Variants in TEP1 observed in about 807,000 individuals in gnomAD.
TEP1 encodes telomerase protein component 1.
TEP1 carries 241 observed loss-of-function variants against 306.3 expected under a neutral mutation model. The observed-to-expected ratio is 0.79, with a 90% CI of 0.71 to 0.88. TEP1 has a LOEUF of 0.88. Among genes scored for constraint, TEP1 ranks in the 40% least tolerant of loss-of-function variants. TEP1 has a pLI of 0.00. For synonymous variants in TEP1, 1,289 were observed against 1,305.5 expected, an observed-to-expected ratio of 0.99 and a Z score of 0.27; for missense variants, 3,051 against 3,276.1, an observed-to-expected ratio of 0.93 and a Z score of 1.68.
chr14:20,390,399 CTA>C, intron 15 of TEP1, among the ~76,000 whole-genome samples: 1 of 152,324 alleles, frequency 6.6e-6, no homozygotes, highest in East Asian at 1.9e-4. Flanking sequence ...TTTCCCAACT[CTA>C]TGTTCAGTAG....
chr14:20,387,871 C>A, intron 18 of TEP1, 34 bp downstream of exon 18: 1 of 1,558,784 alleles, frequency 6.4e-7, no homozygotes, highest in Non-Finnish European at 8.6e-7. Context: ...TGCAGCCCCT[C>A]CCAATTCACA....
chr14:20,376,407 G>A (rs1885180683), intron 41 of TEP1, 143 bp from the exon 42 acceptor site: 1 of 870,998 alleles, frequency 1.1e-6, no homozygotes, highest in Non-Finnish European at 1.7e-6. Flanking sequence ...GGAGTCACAA[G>A]GCTGTGGAGA....
At chr14:20,404,553 G>C in intron 5 of TEP1, 58 bp downstream of exon 5, 1 of 1,550,396 alleles carries the variant, frequency 6.4e-7, no homozygotes, top group Non-Finnish European at 8.7e-7. Context: ...CAAGGATGCA[G>C]TGAGCATAAG....
chr14:20,404,669 T>C lies in TEP1; in HGVS notation c.974A>G (p.Tyr325Cys). Residue 325 changes from tyrosine to cysteine, a missense_variant, in exon 5 of 55, where the codon TAT becomes TGT. Around this residue, in one of 3 missense-constraint regions of TEP1, gnomAD observed 1,507 missense variants for 1,550.5 expected, o/e 0.97. Coordinates refer to ENST00000262715, the MANE Select transcript of TEP1 (RefSeq NM_007110.5). Reference sequence around the variant, plus strand: ...AGGCAGCTGGACAATGGCACAGAAATATCGTCGCAGGTGGGGGCGACACGC... The same window carrying C: ...AGGCAGCTGGACAATGGCACAGAAACATCGTCGCAGGTGGGGGCGACACGC... The part of the protein sequence containing the change: ...LPACRPHLRR[Y>C]FCAIVQLPSD... 1 of 1,614,090 alleles carries C rather than the reference T, an allele frequency of 6.2e-7. No individual in the cohort carries two copies.
rs1207479974 is a variant in TEP1 at position 20,372,362 on chromosome 14, A to ATGTG, written c.7076+367_7076+370dup. On this transcript the variant is annotated intron_variant, in intron 49 of 54. Coordinates refer to ENST00000262715, the MANE Select transcript of TEP1 (RefSeq NM_007110.5). ...TCTCAAATTTTGAAGCCCCAGGAAT[A>ATGTG]TGTGTGTGTGTGTGTGTATGTGTGT... Among the ~76,000 whole-genome samples the ATGTG allele has an allele frequency of 3.0e-3, 400 of 135,078 alleles. 2 individuals carry two copies. The highest frequency in any genetic ancestry group is 9.7e-3 in the African/African-American group (355 of 36,634). 88.6% of individuals were successfully genotyped at this position (135,078 alleles called of 152,430 possible).
intron 12 of TEP1, among the ~76,000 whole-genome samples, chr14:20,392,940 C>T (rs1209612108): frequency 1.3e-5 from 2 of 151,978 alleles, no homozygotes; most frequent in African/African-American, 4.8e-5. Flanking sequence ...AAATGTAAGC[C>T]GGGCACGGTG....
chr14:20,398,376 CAAAA>C (rs202032916), intron 9 of TEP1, among the ~76,000 whole-genome samples: 1 of 89,084 alleles, frequency 1.1e-5, no homozygotes, highest in Non-Finnish European at 2.7e-5. Context: ...AGACTCCGCC[CAAAA>C]AAAAAAAAAA....
In TEP1 at chr14:20,371,659, G is replaced by C. The variant is rs1216058476; in HGVS notation, c.7077-27C>G. On this transcript the variant is annotated intron_variant, in intron 49 of 54. Coordinates refer to ENST00000262715, the MANE Select transcript of TEP1 (RefSeq NM_007110.5). ...TAGCTCAAAAAAGTACATGGACAGA[G>C]AAAGATCCTATTTTAGTTAACCTTT... is the stretch of plus-strand genomic sequence containing the variant. 2.6e-6 allele frequency: 4 copies of C among 1,540,770 alleles called. No homozygotes were observed. In the African/African-American group the frequency reaches 5.6e-5, roughly 22 times the overall value.
In TEP1 at chr14:20,382,013, G is replaced by A. The variant is rs767589651; in HGVS notation, c.4324C>T (p.Pro1442Ser). The change falls in exon 30 of 55, where the codon CCG becomes TCG. Residue 1442 changes from proline (P) to serine (S), a missense_variant. By Grantham distance (74) the Pro-to-Ser change is moderately conservative. Transcript: ENST00000262715. ...TCTTCCCAGCTCTTAGTCCCCTTCGGTAGTGTCCGCCACACACTCAGCACT... is the reference window on the plus strand; with the variant it reads ...TCTTCCCAGCTCTTAGTCCCCTTCGATAGTGTCCGCCACACACTCAGCACT... ...HGVLSVWRTL[P>S]KGTKSWEEAV... The A allele has an allele frequency of 3.7e-6, 6 of 1,614,102 alleles. No individual in the cohort carries two copies. The highest frequency in any genetic ancestry group is 1.1e-5 in the South Asian group (1 of 91,082).
intron 13 of TEP1, 124 bp downstream of exon 13, chr14:20,391,475 T>G: frequency 8.5e-7 from 1 of 1,173,430 alleles, no homozygotes; most frequent in Non-Finnish European, 1.2e-6. Flanking sequence ...TGGAAGCAAA[T>G]TCATATCATT....
In TEP1 at chr14:20,401,475, T is replaced by C. The variant is rs1269453851; in HGVS notation, c.1373A>G (p.Gln458Arg). 9 of 1,614,090 alleles carry C rather than the reference T, an allele frequency of 5.6e-6. No individual in the cohort carries two copies. Among genetic ancestry groups the C allele is most frequent in the Non-Finnish European group, 7.6e-6 (9 of 1,180,042 alleles). Reference protein sequence around the residue: ...LHIHKPAQHVQALLGYRYPSN... With the variant: ...LHIHKPAQHVRALLGYRYPSN... ...TTCTCACCTGTAACCCAGCAGGGCT[T>C]GAACGTGCTGGGCAGGCTTGTGGAT... The change falls in exon 8 of 55, where the codon CAA becomes CGA. Residue 458 changes from glutamine to arginine, a missense_variant. Gln to Arg is a conservative substitution (Grantham distance 43, BLOSUM62 1). This residue lies in a region of TEP1 where 1,507 missense variants were observed against 1,550.5 expected (regional missense o/e 0.97). Transcript: ENST00000262715.
rs1358008556 is a variant in TEP1 at position 20,376,122 on chromosome 14, G to T, written c.6231C>A (p.Ala2077=). 3 of 1,614,008 alleles carry T rather than the reference G, an allele frequency of 1.9e-6. No homozygotes were observed. Among genetic ancestry groups the T allele is most frequent in the Admixed American group, 1.7e-5 (1 of 59,994 alleles). The part of the protein sequence containing the change: ...CSFSTDGGSL[A]TGGRDRSLLC... The stretch of plus-strand genomic sequence containing the variant: ...AGCTCACCCGATCCCGGCCCCCGGT[G>T]GCCAGGCTGCCTCCATCAGTGCTGA... The change falls in exon 42 of 55, where the codon GCC becomes GCA. Residue 2077 remains alanine (A), a synonymous_variant. Coordinates refer to ENST00000262715, the MANE Select transcript of TEP1 (RefSeq NM_007110.5).
chr14:20,366,414 G>C lies in TEP1; in HGVS notation c.*2023C>G, dbSNP rs1172216688. 1 of 152,188 alleles carries C rather than the reference G, an allele frequency of 6.6e-6. No individual in the cohort carries two copies. The highest frequency in any genetic ancestry group is 1.5e-5 in the Non-Finnish European group (1 of 68,040). 9.4% of individuals were successfully genotyped at this position (152,188 alleles called of 1,614,324 possible). A position where few individuals can be genotyped will look rare whatever the true frequency, so the allele number is the denominator to read the frequency against. ...AGTTCGCTGCAGGATTTCTGGCAAG[G>C]ATTATGGATCATAAATTTCAAAATA... On this transcript the variant is annotated 3_prime_UTR_variant, in exon 55 of 55. Coordinates refer to ENST00000262715, the MANE Select transcript of TEP1 (RefSeq NM_007110.5).
chr14:20,381,843 A>G lies in TEP1; in HGVS notation c.4424+70T>C. ...TCTGGGAGCCAGTTGTTGAAGCTATACAGAGGGCCCCGGCTCAAAGAAGGG... is the reference window on the plus strand; with the variant it reads ...TCTGGGAGCCAGTTGTTGAAGCTATGCAGAGGGCCCCGGCTCAAAGAAGGG... On this transcript the variant is annotated intron_variant, in intron 30 of 54. Transcript: ENST00000262715. This position sits in a 1 kb window ranked among gnomAD's most constrained non-coding sequence, Gnocchi z 4.0. The G allele has an allele frequency of 6.3e-7, 1 of 1,586,464 alleles. No individual in the cohort carries two copies. The highest frequency in any genetic ancestry group is 1.3e-5 in the African/African-American group (1 of 74,294).
chr14:20,377,225 A>G lies in TEP1; in HGVS notation c.6088+55T>C, dbSNP rs1282574500. 8.9e-5 allele frequency: 129 copies of G among 1,455,754 alleles called. 1 individual carries two copies. The highest frequency in any genetic ancestry group is 1.9e-4 in the East Asian group (8 of 42,750). The allele number at this position is 1,455,754 out of a possible 1,614,324, so 90.2% of individuals were successfully genotyped here. A position where few individuals can be genotyped will look rare whatever the true frequency, so the allele number is the denominator to read the frequency against. The stretch of plus-strand genomic sequence containing the variant: ...AGTGAAGCTCTGTCTTAAAAAAAAA[A>G]AAAAGAAAAGAAAAGAACAGTAATT... On this transcript the variant is annotated intron_variant, in intron 41 of 54. Transcript: ENST00000262715.
rs779376383 is a variant in TEP1 at position 20,396,641 on chromosome 14, G to C, written c.1639C>G (p.Leu547Val). ...GISSRHHELI[L>V]QRLQHAKSVI... ...CATACCGCATGCTGGAGTCTCTGGAGAATGAGCTCATGGTGGCGGGAACTG... is the reference window on the plus strand; with the variant it reads ...CATACCGCATGCTGGAGTCTCTGGACAATGAGCTCATGGTGGCGGGAACTG... Residue 547 changes from leucine (L) to valine (V), a missense_variant, in exon 10 of 55, where the codon CTC becomes GTC. By Grantham distance (32) the Leu-to-Val change is conservative. Transcript: ENST00000262715. 1 of 1,609,990 alleles carries C rather than the reference G, an allele frequency of 6.2e-7. No homozygotes were observed. Among genetic ancestry groups the C allele is most frequent in the South Asian group, 1.1e-5 (1 of 90,932 alleles).
intron 17 of TEP1, among the ~76,000 whole-genome samples, chr14:20,388,341 G>A (rs754102597): frequency 4.6e-5 from 7 of 152,144 alleles, no homozygotes; most frequent in Non-Finnish European, 1.0e-4. Context: ...GTAGGGAAAG[G>A]TGTAAAGATT....
Position 20,381,825 on chromosome 14 carries a change from G to T in TEP1, c.4424+88C>A. 1 of 1,553,614 alleles carries T rather than the reference G, an allele frequency of 6.4e-7. No homozygotes were observed. Among genetic ancestry groups the T allele is most frequent in the Non-Finnish European group, 8.7e-7 (1 of 1,152,296 alleles). On this transcript the variant is annotated intron_variant, in intron 30 of 54. Coordinates refer to ENST00000262715, the MANE Select transcript of TEP1 (RefSeq NM_007110.5). The surrounding 1 kb of genome is among the most constrained non-coding windows in gnomAD (Gnocchi z 4.0). Reference sequence around the variant, plus strand: ...GCAGTAGCTCATTCATGGTCTGGGAGCCAGTTGTTGAAGCTATACAGAGGG... The same window carrying T: ...GCAGTAGCTCATTCATGGTCTGGGATCCAGTTGTTGAAGCTATACAGAGGG...
rs535688717 is a variant in TEP1 at position 20,372,855 on chromosome 14, A to T, written c.6954T>A (p.Ala2318=). The change falls in exon 49 of 55, where the codon GCT becomes GCA. Residue 2318 remains alanine (A), a splice_region_variant and synonymous_variant. Coordinates refer to ENST00000262715, the MANE Select transcript of TEP1 (RefSeq NM_007110.5). The part of the protein sequence containing the change: ...QEAKAVATAQ[A]PGHIGALIWS... ...AGATCAGAGCACCAATGTGGCCTGG[A>T]GCCTGGTGTACACAACAAGTTCAAT... The T allele has an allele frequency of 6.2e-7, 1 of 1,614,174 alleles. No homozygotes were observed. Among genetic ancestry groups the T allele is most frequent in the African/African-American group, 1.3e-5 (1 of 75,042 alleles).
Sources: gnomAD v4.1 joint callset for allele counts (sites outside exome capture counted in the v4.1 genomes callset) on GRCh38, gnomAD v4.1.1 for gene constraint, gnomAD v4.1.1 regional missense constraint, Gnocchi (gnomAD v3.1) non-coding constraint, MANE v1.5 for transcripts, NCBI Gene and HGNC (gene_info 2026-07-23, HGNC 2026-07-21) for gene names.